The following SPPL2A variants were observed in gnomAD, a reference collection of about 807,000 sequenced individuals.
SPPL2A encodes the protein signal peptide peptidase-like 2A.
A neutral mutation model predicts 63.8 loss-of-function variants in SPPL2A; 51 were observed. That is an observed-to-expected ratio of 0.80 (90% confidence interval 0.64 to 1.01). The LOEUF (loss-of-function observed/expected upper bound fraction) is 1.01. Ranked by LOEUF, SPPL2A falls within the 50% of genes least tolerant of loss-of-function variation. SPPL2A has a pLI of 0.00. For synonymous variants in SPPL2A, 188 were observed against 205.8 expected (o/e 0.91, Z 0.74); for missense variants, 553 against 622.7 (o/e 0.89, Z 1.19).
chr15:50,738,478 G>A (rs2062792111), intron 6 of SPPL2A, among the ~76,000 whole-genome samples: 1 of 151,624 alleles, frequency 6.6e-6, no homozygotes, highest in South Asian at 2.1e-4. Context: ...GAACCTGGGA[G>A]GTGGAGGTTG....
At chr15:50,755,088 G>C (rs1177493045) in intron 1 of SPPL2A, among the ~76,000 whole-genome samples, 1 of 151,554 alleles carries the variant, frequency 6.6e-6, no homozygotes, top group African/African-American at 2.4e-5. Flanking sequence ...GGGAGGCCTA[G>C]GCAGGAGGAT....
rs2062506635 is a variant in SPPL2A at position 50,706,193 on chromosome 15, C to G, written c.*1607G>C. On this transcript the variant is annotated 3_prime_UTR_variant, in exon 15 of 15. Transcript: ENST00000261854. ...GATCACGAGGTCAGGAGATCGAGACCATCCCGGCTAAAACGGTGAAACCCC... is the reference window on the plus strand; with the variant it reads ...GATCACGAGGTCAGGAGATCGAGACGATCCCGGCTAAAACGGTGAAACCCC... 2 of 151,598 alleles carry G rather than the reference C, an allele frequency of 1.3e-5. No individual in the cohort carries two copies. The highest frequency in any genetic ancestry group is 4.8e-5 in the African/African-American group (2 of 41,278). The allele number at this position is 151,598 out of a possible 1,614,324, so 9.4% of individuals were successfully genotyped here.
chr15:50,719,619 C>T (rs1204090570), intron 14 of SPPL2A, among the ~76,000 whole-genome samples: 1 of 152,060 alleles, frequency 6.6e-6, no homozygotes, highest in South Asian at 2.1e-4. Flanking sequence ...AAATTAAGTA[C>T]TTATTTTAAA....
intron 10 of SPPL2A, among the ~76,000 whole-genome samples, chr15:50,726,602 A>T (rs1280812652): frequency 2.6e-5 from 4 of 152,238 alleles, no homozygotes; most frequent in African/African-American, 9.6e-5. Context: ...AATAATTCTC[A>T]GAAATTGGCA....
In SPPL2A at chr15:50,705,119, G is replaced by C. The variant is rs1428499061; in HGVS notation, c.*2681C>G. ...GCACTTGGGGAGTCTGAGGCGGGCA[G>C]ATCATGAGGTCAGGAGCTCAAGACC... is the stretch of plus-strand genomic sequence containing the variant. On this transcript the variant is annotated 3_prime_UTR_variant, in exon 15 of 15. Transcript: ENST00000261854. 6.6e-6 allele frequency: 1 copy of C among 152,154 alleles called. No homozygotes were observed. Among genetic ancestry groups the C allele is most frequent in the Non-Finnish European group, 1.5e-5 (1 of 68,034 alleles). The allele number at this position is 152,154 out of a possible 1,614,324, so 9.4% of individuals were successfully genotyped here.
At chr15:50,722,249 G>T in intron 12 of SPPL2A, 48 bp from the exon 13 acceptor site, 1 of 1,056,996 alleles carries the variant, frequency 9.5e-7, no homozygotes, top group Non-Finnish European at 1.5e-6. Flanking sequence ...TAACAGCAAT[G>T]CAAATTCAAT....
At chr15:50,764,384 TTCTC>T (rs2063039884) in intron 1 of SPPL2A, 2 of 152,218 alleles carry the variant, frequency 1.3e-5, no homozygotes, top group Admixed American at 6.6e-5. Context: ...TTTAGATACA[TTCTC>T]TCAGGTTCCT....
At chr15:50,756,712 C>T (rs1443238202) in intron 1 of SPPL2A, among the ~76,000 whole-genome samples, 1 of 151,964 alleles carries the variant, frequency 6.6e-6, no homozygotes, top group Non-Finnish European at 1.5e-5. Flanking sequence ...ATAGCCAGAC[C>T]CCATATCAAT....
chr15:50,733,874 A>C (rs2062749335), intron 8 of SPPL2A, among the ~76,000 whole-genome samples: 1 of 152,196 alleles, frequency 6.6e-6, no homozygotes, highest in Non-Finnish European at 1.5e-5. Flanking sequence ...ACATTTCTCC[A>C]AAGACATAAA....
chr15:50,746,042 C>T (rs2062854678), intron 5 of SPPL2A, among the ~76,000 whole-genome samples: 2 of 151,706 alleles, frequency 1.3e-5, no homozygotes, highest in African/African-American at 4.8e-5. Flanking sequence ...CAGAGCAAGT[C>T]TCCATCTCAA....
At chr15:50,760,819 C>T (rs2063003663) in intron 1 of SPPL2A, among the ~76,000 whole-genome samples, 1 of 151,964 alleles carries the variant, frequency 6.6e-6, no homozygotes, top group African/African-American at 2.4e-5. Flanking sequence ...GAGAACAGAG[C>T]AGAAGAGAAA....
At chr15:50,711,203 ATCC>A (rs200350591) in intron 14 of SPPL2A, among the ~76,000 whole-genome samples, 18 of 139,818 alleles carry the variant, frequency 1.3e-4, no homozygotes, top group African/African-American at 4.8e-4. Flanking sequence ...CCAAATTAGT[ATCC>A]TTTTTTTTTT....
chr15:50,754,875 G>A (rs1358070616), intron 1 of SPPL2A, among the ~76,000 whole-genome samples: 2 of 152,024 alleles, frequency 1.3e-5, no homozygotes, highest in Non-Finnish European at 2.9e-5. Flanking sequence ...CCAGCTACTC[G>A]GGAGGCTGAG....
At chr15:50,732,555 T>C in intron 9 of SPPL2A, 48 bp downstream of exon 9, 1 of 1,188,466 alleles carries the variant, frequency 8.4e-7, no homozygotes, top group Non-Finnish European at 1.2e-6. Flanking sequence ...AATAAAGTTG[T>C]CTTTTAAAAA....
intron 8 of SPPL2A, among the ~76,000 whole-genome samples, chr15:50,735,391 TTC>T (rs2062762191): frequency 1.3e-5 from 2 of 151,768 alleles, no homozygotes; most frequent in South Asian, 2.1e-4. Context: ...CTCTCTCTCT[TTC>T]TCTCTCTCCT....
chr15:50,718,082 C>CT (rs1813346269), intron 14 of SPPL2A, among the ~76,000 whole-genome samples: 1 of 151,030 alleles, frequency 6.6e-6, no homozygotes. Context: ...CGCCATTCTC[C>CT]TGCCTCAGCC....
intron 5 of SPPL2A, among the ~76,000 whole-genome samples, chr15:50,744,024 A>G (rs914528013): frequency 2.0e-5 from 3 of 151,864 alleles, no homozygotes; most frequent in African/African-American, 4.8e-5. Context: ...AAAAAAATAC[A>G]AAAAATTAGC....
chr15:50,757,168 C>T (rs2062965797), intron 1 of SPPL2A, among the ~76,000 whole-genome samples: 2 of 148,962 alleles, frequency 1.3e-5, no homozygotes, highest in Admixed American at 1.4e-4. Flanking sequence ...CTGCAAGCTC[C>T]GCCTCTGGGA....
chr15:50,715,760 A>G (rs2062595102), intron 14 of SPPL2A, among the ~76,000 whole-genome samples: 1 of 152,212 alleles, frequency 6.6e-6, no homozygotes, highest in South Asian at 2.1e-4. Context: ...TCTATGTAAA[A>G]ATTTTAGTAA....
Sources: allele counts gnomAD v4.1 joint callset (sites outside exome capture counted in the v4.1 genomes callset), GRCh38; gene constraint gnomAD v4.1.1; transcripts MANE v1.5; gene names NCBI Gene and HGNC (gene_info 2026-07-23, HGNC 2026-07-21).